TMEM232: variants seen among roughly 807,000 people sequenced by gnomAD.
TMEM232 encodes the protein transmembrane protein 232.
A neutral mutation model predicts 78.8 loss-of-function variants in TMEM232; 80 were observed. The observed-to-expected ratio is 1.01, with a 90% CI of 0.85 to 1.22. TMEM232 has a LOEUF of 1.22. Among genes scored for constraint, TMEM232 ranks in the 50% most tolerant of loss-of-function variants. TMEM232 has a pLI of 0.00. For synonymous variants in TMEM232, 297 were observed against 254.3 expected, an observed-to-expected ratio of 1.17 and a Z score of -1.60; for missense variants, 881 against 742.2, an observed-to-expected ratio of 1.19 and a Z score of -2.17.
intron 10 of TMEM232, among the ~76,000 whole-genome samples, chr5:110,603,726 T>G (rs1291044738): frequency 6.6e-6 from 1 of 152,118 alleles, no homozygotes; most frequent in African/African-American, 2.4e-5. Context: ...AGAATAAAGA[T>G]CTGTTTAAAA....
Position 110,640,961 on chromosome 5 carries a change from C to T in TMEM232, c.273G>A (p.Arg91=). ...TCCATGCAGCAGGAAGATGCACATG[C>T]CTTCCAGAGCCCAGGGTTTTGAGAC... is the stretch of plus-strand genomic sequence containing the variant. The part of the protein sequence containing the change: ...KLGLKTLGSG[R]HVHLPAAWTE... Residue 91 remains arginine, a synonymous_variant, in exon 4 of 14, where the codon AGG becomes AGA. Transcript: ENST00000455884. 6.5e-7 allele frequency: 1 copy of T among 1,537,578 alleles called. No individual in the cohort carries two copies. The highest frequency in any genetic ancestry group is 8.8e-7 in the Non-Finnish European group (1 of 1,140,130).
At chr5:110,731,680 C>T (rs1798694956) in intron 2 of TMEM232, among the ~76,000 whole-genome samples, 1 of 152,202 alleles carries the variant, frequency 6.6e-6, no homozygotes, top group South Asian at 2.1e-4. Context: ...CACCAAGTCC[C>T]TAGGCTGCAC....
At chr5:110,686,789 A>T (rs1793469330) in intron 1 of TMEM232, among the ~76,000 whole-genome samples, 1 of 152,166 alleles carries the variant, frequency 6.6e-6, no homozygotes, top group Non-Finnish European at 1.5e-5. Context: ...TACGAAAATA[A>T]AAAATAAAAG....
rs190429275 is a variant in TMEM232, at chr5:110,725,761, T to C, written c.-13+866A>G. The C allele has an allele frequency of 3.6e-4, 55 of 152,326 alleles. 1 individual carries two copies. The East Asian group carries it at 9.3e-3, about 26-fold the overall frequency. The allele number at this position is 152,326 out of a possible 1,614,324, so 9.4% of individuals were successfully genotyped here. ...TTTTAGTTTTACTATTAATTCTTCA[T>C]GTATTTTTTTAAAGTTCCAATAAAA... On this transcript the variant is annotated intron_variant, in intron 1 of 13. Coordinates refer to ENST00000455884, the MANE Select transcript of TMEM232 (RefSeq NM_001039763.4).
At chr5:110,587,950 T>C (rs959573579) in intron 10 of TMEM232, among the ~76,000 whole-genome samples, 1 of 150,890 alleles carries the variant, frequency 6.6e-6, no homozygotes, top group African/African-American at 2.4e-5. Context: ...CTAACACATA[T>C]ATATATATTT....
intron 1 of TMEM232, among the ~76,000 whole-genome samples, chr5:110,725,432 T>TC (rs1203041677): frequency 6.6e-6 from 1 of 152,208 alleles, no homozygotes; most frequent in Non-Finnish European, 1.5e-5. Context: ...CCAGGAGCTC[T>TC]GGATGGACAA....
chr5:110,431,269 T>C (rs1384504050), intron 12 of TMEM232, among the ~76,000 whole-genome samples: 1 of 151,468 alleles, frequency 6.6e-6, no homozygotes, highest in Non-Finnish European at 1.5e-5. Flanking sequence ...TTCTGAAAAT[T>C]TGGGGCTCAA....
At position 110,677,357 on chromosome 5, in the gene TMEM232, G is replaced by C. The variant is rs187559728; in HGVS notation, c.-12-9993C>G. Among the ~76,000 whole-genome samples, 19 of 151,914 alleles carry C rather than the reference G, an allele frequency of 1.3e-4. No individual in the cohort carries two copies. In the East Asian group the frequency reaches 3.5e-3, roughly 28 times the overall value. ...ATCTGCTATCTTAGTTTCAATTTGT[G>C]AGACACCAAGCAGAGAACCCAGCTG... is the stretch of plus-strand genomic sequence containing the variant. On this transcript the variant is annotated intron_variant, in intron 1 of 13. Transcript: ENST00000455884.
intron 7 of TMEM232, among the ~76,000 whole-genome samples, chr5:110,619,694 A>G (rs1318735512): frequency 6.6e-6 from 1 of 152,174 alleles, no homozygotes; most frequent in Admixed American, 6.5e-5. Flanking sequence ...GGTAGGGTCT[A>G]CCCCAAAACT....
chr5:110,709,603 G>T (rs1365035249), intron 1 of TMEM232, among the ~76,000 whole-genome samples: 1 of 151,934 alleles, frequency 6.6e-6, no homozygotes, highest in African/African-American at 2.4e-5. Context: ...ATACAAACAC[G>T]TGAAAATTAA....
intron 1 of TMEM232, among the ~76,000 whole-genome samples, chr5:110,668,873 T>G (rs113835741): frequency 6.6e-6 from 1 of 152,172 alleles, no homozygotes; most frequent in African/African-American, 2.4e-5. Context: ...TGCTCCTTAA[T>G]GATTACTGGG....
At chr5:110,488,631 G>A (rs1399608043) in intron 12 of TMEM232, among the ~76,000 whole-genome samples, 1 of 151,930 alleles carries the variant, frequency 6.6e-6, no homozygotes, top group Admixed American at 6.6e-5. Flanking sequence ...TCAAGTCAAC[G>A]ACTTAACCTT....
intron 12 of TMEM232, among the ~76,000 whole-genome samples, chr5:110,502,006 ATAT>A (rs985260568): frequency 3.3e-5 from 5 of 152,152 alleles, no homozygotes; most frequent in African/African-American, 1.2e-4. Flanking sequence ...TATCACAGAA[ATAT>A]TGTTATTTTG....
intron 10 of TMEM232, among the ~76,000 whole-genome samples, chr5:110,597,834 C>T (rs1780365626): frequency 6.6e-6 from 1 of 152,128 alleles, no homozygotes; most frequent in Non-Finnish European, 1.5e-5. Flanking sequence ...AAACTGGATC[C>T]CTTCCCTACA....
chr5:110,494,946 T>C (rs1230741195), intron 12 of TMEM232, among the ~76,000 whole-genome samples: 1 of 151,764 alleles, frequency 6.6e-6, no homozygotes, highest in Non-Finnish European at 1.5e-5. Flanking sequence ...TAAGTATTCT[T>C]ACAAAAATAA....
intron 2 of TMEM232, among the ~76,000 whole-genome samples, chr5:110,410,818 C>A (rs916947422): frequency 3.3e-5 from 5 of 152,100 alleles, no homozygotes; most frequent in Admixed American, 6.5e-5. Flanking sequence ...TTTGAGTTTG[C>A]ATTGCTTGAA....
chr5:110,602,352 A>T (rs1445242533), intron 10 of TMEM232, among the ~76,000 whole-genome samples: 1 of 152,222 alleles, frequency 6.6e-6, no homozygotes, highest in Admixed American at 6.5e-5. Flanking sequence ...CATCAGAGTG[A>T]ACAGGCAACC....
intron 11 of TMEM232, among the ~76,000 whole-genome samples, chr5:110,547,829 C>A (rs1773961621): frequency 6.6e-6 from 1 of 151,774 alleles, no homozygotes; most frequent in Non-Finnish European, 1.5e-5. Flanking sequence ...GAAATCCAGT[C>A]TCTACTAAAA....
intron 1 of TMEM232, among the ~76,000 whole-genome samples, chr5:110,735,971 T>C (rs1799118923): frequency 6.6e-6 from 1 of 152,186 alleles, no homozygotes; most frequent in Non-Finnish European, 1.5e-5. Flanking sequence ...GGCAGAACTA[T>C]CCAGCGAAGC....
Sources: gnomAD v4.1 joint callset for allele counts (sites outside exome capture counted in the v4.1 genomes callset) on GRCh38, gnomAD v4.1.1 for gene constraint, MANE v1.5 for transcripts, NCBI Gene and HGNC (gene_info 2026-07-23, HGNC 2026-07-21) for gene names.